ITGA8: variants seen among roughly 807,000 people sequenced by gnomAD.
ITGA8 encodes the protein integrin alpha-8.
Under a neutral mutation model 142.3 loss-of-function variants are expected in ITGA8, and 91 were observed. That is an observed-to-expected ratio of 0.64 (90% confidence interval 0.54 to 0.76). The LOEUF is 0.76. Among genes scored for constraint, ITGA8 ranks in the 30% least tolerant of loss-of-function variants. ITGA8 has a pLI of 0.00. For missense variants in ITGA8, 1,406 were observed against 1,327.7 expected (o/e 1.06, Z -0.92); for synonymous variants, 505 against 485.2 (o/e 1.04, Z -0.54).
intron 24 of ITGA8, among the ~76,000 whole-genome samples, chr10:15,572,680 C>T (rs545927193): frequency 9.2e-5 from 14 of 152,206 alleles, no homozygotes; most frequent in South Asian, 2.1e-4. Context: ...TTAATCATAG[C>T]GCTAGAAATT....
intron 8 of ITGA8, among the ~76,000 whole-genome samples, chr10:15,662,530 G>A (rs568374043): frequency 1.3e-5 from 2 of 151,584 alleles, no homozygotes; most frequent in South Asian, 4.2e-4. Flanking sequence ...GTAGAGACAG[G>A]GTCTCACTAT....
At chr10:15,600,105 A>G (rs911095455) in intron 20 of ITGA8, among the ~76,000 whole-genome samples, 2 of 152,216 alleles carry the variant, frequency 1.3e-5, no homozygotes, top group East Asian at 1.9e-4. Flanking sequence ...AATGAAATAC[A>G]TTCTTTTTTA....
At chr10:15,651,689 G>T (rs926702293) in intron 11 of ITGA8, among the ~76,000 whole-genome samples, 5 of 152,058 alleles carry the variant, frequency 3.3e-5, no homozygotes, top group African/African-American at 1.2e-4. Flanking sequence ...AGGAGAGTCT[G>T]GTTCAAGCCC....
chr10:15,581,174 G>A (rs562392850), intron 23 of ITGA8, among the ~76,000 whole-genome samples: 2 of 152,234 alleles, frequency 1.3e-5, no homozygotes, highest in East Asian at 3.9e-4. Flanking sequence ...TGGAAGCTTT[G>A]GTCACATCAT....
chr10:15,528,983 T>C (rs373951659), intron 28 of ITGA8, among the ~76,000 whole-genome samples: 21 of 147,524 alleles, frequency 1.4e-4, no homozygotes, highest in African/African-American at 4.4e-4. Context: ...TCTTTCCTTC[T>C]TTCTTTCCTT....
At chr10:15,660,005 T>C (rs1331953820) in intron 9 of ITGA8, among the ~76,000 whole-genome samples, 1 of 152,250 alleles carries the variant, frequency 6.6e-6, no homozygotes, top group Non-Finnish European at 1.5e-5. Flanking sequence ...TGTGATTCTA[T>C]GTTATAGCAG....
rs1025271199 is a variant in ITGA8 at position 15,519,347 on chromosome 10, T to C, written c.3048A>G (p.Ile1016Met). The change falls in exon 29 of 30, where the codon ATA (isoleucine) becomes ATG (methionine). Residue 1016 changes from isoleucine (I) to methionine (M), a missense_variant. By Grantham distance (10) the Ile-to-Met change is conservative (BLOSUM62 1). Coordinates refer to ENST00000378076, the MANE Select transcript of ITGA8 (RefSeq NM_003638.3). Reference sequence around the variant, plus strand: ...CCAACAATCCAAGAAGTATTGCTAGTATTATTACCCATAATGGGATTGAGA... The same window carrying C: ...CCAACAATCCAAGAAGTATTGCTAGCATTATTACCCATAATGGGATTGAGA... ...VSFSIPLWVI[I>M]LAILLGLLVL... 2 of 1,613,574 alleles carry C rather than the reference T, an allele frequency of 1.2e-6. No individual in the cohort carries two copies. The highest frequency in any genetic ancestry group is 2.7e-5 in the African/African-American group (2 of 74,920).
At chr10:15,608,870 G>T (rs1833244988) in intron 15 of ITGA8, among the ~76,000 whole-genome samples, 1 of 152,072 alleles carries the variant, frequency 6.6e-6, no homozygotes, top group African/African-American at 2.4e-5. Flanking sequence ...CACCCACTCT[G>T]CTTGGAAGGA....
intron 26 of ITGA8, among the ~76,000 whole-genome samples, chr10:15,549,245 T>C (rs965273881): frequency 1.4e-5 from 2 of 140,342 alleles, no homozygotes; most frequent in African/African-American, 5.5e-5. Context: ...AGTTTTGCTC[T>C]TCTTGCCCAG....
chr10:15,608,495 A>C (rs180909705), intron 15 of ITGA8, among the ~76,000 whole-genome samples: 13 of 152,242 alleles, frequency 8.5e-5, no homozygotes, highest in South Asian at 2.1e-4. Flanking sequence ...TTATTATTAC[A>C]TGGAAGGTAA....
chr10:15,519,460 G>A, intron 28 of ITGA8, 48 bp from the exon 29 acceptor site: 6 of 1,596,940 alleles, frequency 3.8e-6, no homozygotes, highest in Non-Finnish European at 5.1e-6. Context: ...AAACTATTTG[G>A]TGAAATAAAA....
chr10:15,711,692 A>G (rs1007242037), intron 2 of ITGA8, among the ~76,000 whole-genome samples: 2 of 152,080 alleles, frequency 1.3e-5, no homozygotes, highest in Middle Eastern at 3.4e-3. Flanking sequence ...TTTGGAGTCA[A>G]CTCATCTCTT....
intron 28 of ITGA8, among the ~76,000 whole-genome samples, chr10:15,529,995 T>C (rs549907105): frequency 3.5e-4 from 53 of 152,330 alleles, no homozygotes; most frequent in African/African-American, 1.2e-3. Context: ...GTTCAAGCTG[T>C]GGATGGGAAA....
intron 22 of ITGA8, among the ~76,000 whole-genome samples, chr10:15,587,209 C>T (rs979036317): frequency 6.6e-6 from 1 of 152,180 alleles, no homozygotes; most frequent in Non-Finnish European, 1.5e-5. Flanking sequence ...GCGTGAGCCA[C>T]CCCGCCCAGC....
intron 4 of ITGA8, among the ~76,000 whole-genome samples, chr10:15,682,245 T>A (rs534122907): frequency 1.4e-4 from 21 of 152,216 alleles, no homozygotes; most frequent in African/African-American, 4.3e-4. Flanking sequence ...ATGTTTACTG[T>A]CTAGAGGCAG....
intron 14 of ITGA8, among the ~76,000 whole-genome samples, chr10:15,615,345 G>C (rs1313027321): frequency 6.6e-6 from 1 of 152,116 alleles, no homozygotes; most frequent in Non-Finnish European, 1.5e-5. Context: ...AGTTTGTCTT[G>C]GGACTGACGA....
At chr10:15,534,927 G>A (rs1833389926) in intron 27 of ITGA8, among the ~76,000 whole-genome samples, 1 of 152,196 alleles carries the variant, frequency 6.6e-6, no homozygotes, top group Non-Finnish European at 1.5e-5. Context: ...TGGGCTGGCC[G>A]AGGCCGGAGC....
At position 15,592,246 on chromosome 10, in the gene ITGA8, T is replaced by G. The variant is rs1010165413; in HGVS notation, c.2270A>C (p.Asn757Thr). Residue 757 changes from asparagine (N) to threonine (T), a missense_variant, in exon 22 of 30, where the codon AAC becomes ACC. Coordinates refer to ENST00000378076, the MANE Select transcript of ITGA8 (RefSeq NM_003638.3). ...PRLEKTNMSI[N>T]FDLQIRSSNK... is the part of the protein sequence containing the mutation. ...TAACCTTCTGATTTGGAGATCGAAG[T>G]TAATGCTCATGTTTGTTTTCTCAAG... is the stretch of plus-strand genomic sequence containing the variant. The G allele has an allele frequency of 6.2e-7, 1 of 1,613,474 alleles. No individual in the cohort carries two copies. The highest frequency in any genetic ancestry group is 1.3e-5 in the African/African-American group (1 of 74,892).
rs1282967558 is a variant in ITGA8, at chr10:15,719,572, T to C, written c.200A>G (p.Asp67Gly). Residue 67 changes from aspartate (D) to glycine (G), a missense_variant, in exon 1 of 30, where the codon GAC (aspartate) becomes GGC (glycine). By Grantham distance (94) the Asp-to-Gly change is moderately conservative. Transcript: ENST00000378076. ...GGGTCGGGCGACTTACGTGCGGGCG[T>C]CGGGTATGTGGAAGTCCACGGCGTA... is the stretch of plus-strand genomic sequence containing the variant. ...FGYAVDFHIPDARTASVLVGA... is the reference protein window; with the variant it reads ...FGYAVDFHIPGARTASVLVGA... The C allele has an allele frequency of 6.4e-7, 1 of 1,564,260 alleles. No homozygotes were observed. The highest frequency in any genetic ancestry group is 2.5e-5 in the East Asian group (1 of 40,134).
Sources: allele counts gnomAD v4.1 joint callset (sites outside exome capture counted in the v4.1 genomes callset), GRCh38; gene constraint gnomAD v4.1.1; transcripts MANE v1.5; gene names NCBI Gene and HGNC (gene_info 2026-07-23, HGNC 2026-07-21).